The following PLD5 variants were observed in gnomAD, a reference collection of about 807,000 sequenced individuals.
PLD5 encodes inactive phospholipase D5.
In PLD5, 36 loss-of-function variants were observed where a neutral mutation model predicts 61.1. The observed-to-expected ratio is 0.59, with a 90% CI of 0.45 to 0.78. The LOEUF is 0.78. Ranked by LOEUF, PLD5 falls within the 30% of genes least tolerant of loss-of-function variation. The pLI, the probability that PLD5 is intolerant of heterozygous loss-of-function variation, is 0.00. For missense variants in PLD5, 515 were observed against 644.4 expected (o/e 0.80, Z 2.17); for synonymous variants, 243 against 242.8 (o/e 1.00, Z -0.01).
At chr1:242,363,771 C>G (rs1035255755) in intron 1 of PLD5, among the ~76,000 whole-genome samples, 5 of 151,938 alleles carry the variant, frequency 3.3e-5, no homozygotes, top group African/African-American at 1.2e-4. Flanking sequence ...GCTAAGTATG[C>G]TACAGAGAGA....
intron 6 of PLD5, among the ~76,000 whole-genome samples, chr1:242,117,544 G>A (rs1211075811): frequency 1.3e-5 from 2 of 152,000 alleles, no homozygotes. Context: ...ACTACACCTG[G>A]CTAATTTTTG....
chr1:242,103,943 T>A (rs567139953), intron 8 of PLD5, among the ~76,000 whole-genome samples: 6 of 152,254 alleles, frequency 3.9e-5, no homozygotes, highest in Non-Finnish European at 7.3e-5. Context: ...TTTGGAAATT[T>A]ACAGTAAATT....
chr1:242,315,693 A>T (rs1053873106), intron 2 of PLD5, among the ~76,000 whole-genome samples: 1 of 152,040 alleles, frequency 6.6e-6, no homozygotes, highest in East Asian at 1.9e-4. Context: ...TCTAGACTGC[A>T]TTTGGACTTC....
chr1:242,487,971 A>G (rs1668018543), intron 1 of PLD5, among the ~76,000 whole-genome samples: 1 of 152,070 alleles, frequency 6.6e-6, no homozygotes, highest in African/African-American at 2.4e-5. Flanking sequence ...AAATTTACTT[A>G]ATAGTAGCTG....
intron 1 of PLD5, among the ~76,000 whole-genome samples, chr1:242,355,864 C>T (rs1478388806): frequency 6.6e-6 from 1 of 152,004 alleles, no homozygotes; most frequent in Non-Finnish European, 1.5e-5. Context: ...TATTCAGGAG[C>T]ATGTTTAATT....
intron 1 of PLD5, among the ~76,000 whole-genome samples, chr1:242,388,657 T>C (rs547073662): frequency 1.3e-5 from 2 of 152,188 alleles, no homozygotes; most frequent in East Asian, 3.9e-4. Context: ...TAACCAACCA[T>C]GTGAATGGCT....
chr1:242,148,760 T>C (rs1251402573), intron 5 of PLD5, among the ~76,000 whole-genome samples: 3 of 152,000 alleles, frequency 2.0e-5, no homozygotes, highest in African/African-American at 7.2e-5. Context: ...TTTAAATTTC[T>C]AATTGCTCAT....
chr1:242,525,196 A>G (rs1669413260), upstream of PLD5, among the ~76,000 whole-genome samples: 1 of 152,140 alleles, frequency 6.6e-6, no homozygotes, highest in African/African-American at 2.4e-5. Context: ...GGAGCCGTAC[A>G]CGCTACTTTC....
intron 5 of PLD5, among the ~76,000 whole-genome samples, chr1:242,179,918 TTGAG>T (rs1667409565): frequency 1.7e-5 from 1 of 57,484 alleles, no homozygotes; most frequent in Non-Finnish European, 2.9e-5. Context: ...AAAACCAAAA[TTGAG>T]TGTGTGTGTG....
chr1:242,400,378 A>G (rs1324488015), intron 1 of PLD5, among the ~76,000 whole-genome samples: 1 of 151,808 alleles, frequency 6.6e-6, no homozygotes, highest in Non-Finnish European at 1.5e-5. Context: ...CCCACTATTC[A>G]GGCTTAAGGA....
intron 2 of PLD5, among the ~76,000 whole-genome samples, chr1:242,292,861 T>C (rs1252587417): frequency 6.6e-6 from 1 of 152,174 alleles, no homozygotes; most frequent in African/African-American, 2.4e-5. Context: ...ATTATAAATG[T>C]ATTTCTAAAA....
intron 1 of PLD5, among the ~76,000 whole-genome samples, chr1:242,460,384 A>G (rs1967214): frequency 0.69 from 104,806 of 152,008 alleles, 36,877 homozygotes; most frequent in African/African-American, 0.83. Flanking sequence ...CTGCCGATCC[A>G]CCTAGGAACA....
At chr1:242,292,034 A>T (rs1322269267) in intron 2 of PLD5, among the ~76,000 whole-genome samples, 2 of 152,138 alleles carry the variant, frequency 1.3e-5, no homozygotes, top group African/African-American at 2.4e-5. Flanking sequence ...AGCGTTCAGG[A>T]AGCCAAGGGG....
chr1:242,408,432 T>C (rs1396940867), intron 1 of PLD5, among the ~76,000 whole-genome samples: 1 of 152,254 alleles, frequency 6.6e-6, no homozygotes, highest in African/African-American at 2.4e-5. Flanking sequence ...GTTTGCATCA[T>C]GGAACTGATC....
chr1:242,127,811 T>G (rs2148745613), intron 5 of PLD5, among the ~76,000 whole-genome samples: 1 of 152,198 alleles, frequency 6.6e-6, no homozygotes, highest in East Asian at 1.9e-4. Flanking sequence ...GGAATATAAA[T>G]AAATATAACG....
chr1:242,512,207 C>G (rs565548125), intron 1 of PLD5, among the ~76,000 whole-genome samples: 23 of 150,474 alleles, frequency 1.5e-4, no homozygotes, highest in African/African-American at 2.7e-4. Context: ...GTCAGGAGAT[C>G]GAGACCATCC....
Position 242,524,309 on chromosome 1 carries a change from C to T in PLD5, c.-33G>A. ...TGACCGGGCGGCCGCCGGCGAGCAGCGGACTCGGGACGGGCGCGCGGGGAG... is the reference window on the plus strand; with the variant it reads ...TGACCGGGCGGCCGCCGGCGAGCAGTGGACTCGGGACGGGCGCGCGGGGAG... On this transcript the variant is annotated 5_prime_UTR_variant, in exon 1 of 10. Coordinates refer to ENST00000536534, the MANE Select transcript of PLD5 (RefSeq NM_001372062.1). The T allele has an allele frequency of 7.3e-7, 1 of 1,378,484 alleles. No homozygotes were observed. The highest frequency in any genetic ancestry group is 3.6e-5 in the Admixed American group (1 of 28,150). The allele number at this position is 1,378,484 out of a possible 1,614,324, so 85.4% of individuals were successfully genotyped here.
chr1:242,158,023 G>A (rs934280221), intron 5 of PLD5, among the ~76,000 whole-genome samples: 1 of 152,160 alleles, frequency 6.6e-6, no homozygotes, highest in African/African-American at 2.4e-5. Flanking sequence ...GAGAAATCTG[G>A]CAGTCTGGCC....
chr1:242,300,800 T>A (rs115022700), intron 2 of PLD5, among the ~76,000 whole-genome samples: 3 of 151,996 alleles, frequency 2.0e-5, no homozygotes, highest in South Asian at 2.1e-4. Flanking sequence ...TGCGATAGCA[T>A]GGAGCCTCGG....
Sources: allele counts gnomAD v4.1 joint callset (sites outside exome capture counted in the v4.1 genomes callset), GRCh38; gene constraint gnomAD v4.1.1; transcripts MANE v1.5; gene names NCBI Gene and HGNC (gene_info 2026-07-23, HGNC 2026-07-21).